The following ASH2L variants were observed in gnomAD, a reference collection of about 807,000 sequenced individuals.
ASH2L encodes set1/Ash2 histone methyltransferase complex subunit ASH2.
Under a neutral mutation model 81.1 loss-of-function variants are expected in ASH2L, and 30 were observed. The observed-to-expected ratio is 0.37, with a 90% CI of 0.28 to 0.50. ASH2L has a LOEUF of 0.50. Ranked by LOEUF, ASH2L falls within the 20% of genes least tolerant of loss-of-function variation. The probability of loss-of-function intolerance (pLI) is 0.95; values close to 1 mark genes in which losing one functional copy is unlikely to be tolerated. For synonymous variants in ASH2L, 273 were observed against 279.9 expected (o/e 0.98, Z 0.24); for missense variants, 559 against 792.1 (o/e 0.71, Z 3.53).
intron 10 of ASH2L, among the ~76,000 whole-genome samples, chr8:38,125,119 A>G (rs1217528624): frequency 2.6e-5 from 4 of 152,136 alleles, no homozygotes; most frequent in Admixed American, 2.6e-4. Flanking sequence ...CCATCAGACC[A>G]CACCTCCAAC....
intron 3 of ASH2L, among the ~76,000 whole-genome samples, chr8:38,107,912 A>G (rs13260222): frequency 4.1e-5 from 6 of 147,786 alleles, no homozygotes; most frequent in East Asian, 1.9e-4. Context: ...GTGTATATGT[A>G]TATATATATA....
In ASH2L at chr8:38,138,997, C is replaced by T; in HGVS notation, c.1813C>T (p.His605Tyr). The change falls in exon 16 of 16, where the codon CAC (histidine) becomes TAC (tyrosine). Residue 605 changes from histidine to tyrosine, a missense_variant. Physicochemically the swap from His to Tyr is moderately conservative, Grantham distance 83 (BLOSUM62 2). Around this residue, in one of 4 missense-constraint regions of ASH2L, gnomAD observed 95 missense variants for 130.7 expected, o/e 0.73. Coordinates refer to ENST00000343823, the MANE Select transcript of ASH2L (RefSeq NM_004674.5). Reference sequence around the variant, plus strand: ...CATGGGCTGGGGCGCCGTGGTAGAGCACACCCTGGCTGACGTCTTGTATCA... The same window carrying T: ...CATGGGCTGGGGCGCCGTGGTAGAGTACACCCTGGCTGACGTCTTGTATCA... ...SDMGWGAVVEHTLADVLYHVE... is the reference protein window; with the variant it reads ...SDMGWGAVVEYTLADVLYHVE... The T allele has an allele frequency of 1.9e-6, 3 of 1,613,744 alleles. No individual in the cohort carries two copies. Among genetic ancestry groups the T allele is most frequent in the Non-Finnish European group, 2.5e-6 (3 of 1,179,798 alleles).
intron 12 of ASH2L, among the ~76,000 whole-genome samples, chr8:38,132,883 G>A (rs1272926751): frequency 6.6e-6 from 1 of 151,874 alleles, no homozygotes; most frequent in Non-Finnish European, 1.5e-5. Flanking sequence ...GATCACCTGA[G>A]GTCAGGAGTT....
At chr8:38,131,625 G>A (rs1454884939) in intron 12 of ASH2L, among the ~76,000 whole-genome samples, 2 of 152,110 alleles carry the variant, frequency 1.3e-5, no homozygotes, top group African/African-American at 2.4e-5. Flanking sequence ...CAGACTGGGC[G>A]ACAGAGAGCA....
intron 12 of ASH2L, among the ~76,000 whole-genome samples, chr8:38,131,397 T>C (rs2517395): frequency 0.99 from 151,432 of 152,250 alleles, 75,317 homozygotes; most frequent in East Asian, 1. Flanking sequence ...TGTGGCTCCA[T>C]GCTTGGGAGG....
chr8:38,113,497 TTATC>T (rs974548527), intron 5 of ASH2L, among the ~76,000 whole-genome samples: 2 of 152,142 alleles, frequency 1.3e-5, no homozygotes, highest in African/African-American at 4.8e-5. Context: ...CTTTTGAAGA[TTATC>T]TAAATAGGAG....
chr8:38,110,603 A>G (rs1045971673), intron 4 of ASH2L, 136 bp downstream of exon 4: 28 of 1,127,902 alleles, frequency 2.5e-5, no homozygotes, highest in Non-Finnish European at 3.4e-5. Flanking sequence ...AATAATTGCA[A>G]TTGCCCATTT....
At chr8:38,129,350 A>G (rs72643069) in intron 12 of ASH2L, among the ~76,000 whole-genome samples, 2,829 of 152,318 alleles carry the variant, frequency 0.019, 47 homozygotes, top group Non-Finnish European at 0.031. Flanking sequence ...TGTAGGATCC[A>G]CTAGGCATGA....
chr8:38,105,810 G>GC (rs1411551450), intron 1 of ASH2L, 72 bp downstream of exon 1: 1 of 1,475,390 alleles, frequency 6.8e-7, no homozygotes, highest in African/African-American at 1.4e-5. Context: ...GGCTCCTGGA[G>GC]CCCTGCCGCC....
At chr8:38,115,453 C>G (rs1386860569) in intron 7 of ASH2L, among the ~76,000 whole-genome samples, 1 of 152,174 alleles carries the variant, frequency 6.6e-6, no homozygotes, top group African/African-American at 2.4e-5. Context: ...TTTGGCAAGT[C>G]AGAATGTCAA....
intron 8 of ASH2L, among the ~76,000 whole-genome samples, chr8:38,118,690 A>G (rs1322180591): frequency 1.3e-5 from 2 of 152,206 alleles, no homozygotes; most frequent in African/African-American, 4.8e-5. Context: ...AGTACTGGAG[A>G]GAAACACCTT....
chr8:38,109,088 A>G (rs1810576168), intron 3 of ASH2L, among the ~76,000 whole-genome samples: 1 of 152,202 alleles, frequency 6.6e-6, no homozygotes. Context: ...TCAAAAAAGA[A>G]AAGAAAAATA....
chr8:38,105,604 A>C lies in ASH2L; in HGVS notation c.54A>C (p.Pro18=). ...PGQEAGAGPG[P]GAVANATGAE... is the part of the protein sequence containing the mutation. Reference sequence around the variant, plus strand: ...AGGAAGCGGGTGCCGGGCCTGGCCCAGGAGCGGTCGCAAATGCAACAGGGG... The same window carrying C: ...AGGAAGCGGGTGCCGGGCCTGGCCCCGGAGCGGTCGCAAATGCAACAGGGG... The change falls in exon 1 of 16, where the codon CCA becomes CCC. Residue 18 remains proline (P), a synonymous_variant. Coordinates refer to ENST00000343823, the MANE Select transcript of ASH2L (RefSeq NM_004674.5). 6.2e-7 allele frequency: 1 copy of C among 1,601,126 alleles called. No individual in the cohort carries two copies. The highest frequency in any genetic ancestry group is 1.1e-5 in the South Asian group (1 of 89,640).
chr8:38,107,868 ATGTGTGTGTG>A (rs10542885), intron 3 of ASH2L, among the ~76,000 whole-genome samples: 1,623 of 141,500 alleles, frequency 0.011, 26 homozygotes, highest in African/African-American at 0.038. Context: ...AAATACATAT[ATGTGTGTGTG>A]TGTGTGTGTG....
chr8:38,111,211 G>A (rs937118136), intron 5 of ASH2L, among the ~76,000 whole-genome samples: 46 of 152,202 alleles, frequency 3.0e-4, no homozygotes, highest in African/African-American at 9.9e-4. Flanking sequence ...GATTACAGGC[G>A]TGAGCCACCG....
chr8:38,135,038 A>AG (rs1563262649), intron 13 of ASH2L, among the ~76,000 whole-genome samples: 1 of 151,984 alleles, frequency 6.6e-6, no homozygotes, highest in Non-Finnish European at 1.5e-5. Flanking sequence ...AGTCCATGGA[A>AG]GGCCAGCTTA....
rs762119798 is a variant in ASH2L at position 38,128,420 on chromosome 8, C to T, written c.1295C>T (p.Pro432Leu). The change falls in exon 11 of 16, where the codon CCA (proline) becomes CTA (leucine). Residue 432 changes from proline (P) to leucine (L), a missense_variant. Physicochemically the swap from Pro to Leu is moderately conservative, Grantham distance 98 (BLOSUM62 -3). This residue lies in a region of ASH2L where 318 missense variants were observed against 527.0 expected (regional missense o/e 0.60). Coordinates refer to ENST00000343823, the MANE Select transcript of ASH2L (RefSeq NM_004674.5). ...GAAATCACTGTGGATGAGATGCCAC[C>T]AGATACCGCTGCCAGACTGGGTTGG... ...YFEITVDEMP[P>L]DTAARLGWSQ... 2 of 1,614,094 alleles carry T rather than the reference C, an allele frequency of 1.2e-6. No individual in the cohort carries two copies. Among genetic ancestry groups the T allele is most frequent in the Admixed American group, 3.3e-5 (2 of 59,992 alleles).
chr8:38,116,447 C>G (rs577379831), intron 7 of ASH2L, among the ~76,000 whole-genome samples: 1 of 152,172 alleles, frequency 6.6e-6, no homozygotes, highest in Admixed American at 6.5e-5. Context: ...CCAAGAGAAT[C>G]GCTTGAACCT....
Position 38,133,235 on chromosome 8 carries a change from T to C in ASH2L, c.1528-219T>C, listed in dbSNP as rs930795253. 4.6e-5 allele frequency among the ~76,000 whole-genome samples: 7 copies of C among 152,234 alleles called. No individual in the cohort carries two copies. In the East Asian group the frequency reaches 1.3e-3, roughly 29 times the overall value. On this transcript the variant is annotated intron_variant, in intron 12 of 15. Coordinates refer to ENST00000343823, the MANE Select transcript of ASH2L (RefSeq NM_004674.5). ...TGTATTATGTATTTTCTCACGTTTC[T>C]TACTAAAGGCCTACTGAAAATGTTT...
Sources: gnomAD v4.1 joint callset for allele counts (sites outside exome capture counted in the v4.1 genomes callset) on GRCh38, gnomAD v4.1.1 for gene constraint, gnomAD v4.1.1 regional missense constraint, MANE v1.5 for transcripts, NCBI Gene and HGNC (gene_info 2026-07-23, HGNC 2026-07-21) for gene names.